ARHGAP15: variants seen among roughly 807,000 people sequenced by gnomAD.
ARHGAP15 encodes rho GTPase-activating protein 15.
Under a neutral mutation model 63.7 loss-of-function variants are expected in ARHGAP15, and 51 were observed. The observed-to-expected ratio is 0.80, with a 90% CI of 0.64 to 1.01. The LOEUF is 1.01. Among genes scored for constraint, ARHGAP15 ranks in the 50% least tolerant of loss-of-function variants. ARHGAP15 has a pLI of 0.00. For synonymous variants in ARHGAP15, 191 were observed against 193.8 expected (o/e 0.99, Z 0.12); for missense variants, 560 against 564.6 (o/e 0.99, Z 0.08).
chr2:143,698,704 A>G (rs1683956269), intron 12 of ARHGAP15, among the ~76,000 whole-genome samples: 1 of 152,148 alleles, frequency 6.6e-6, no homozygotes, highest in Non-Finnish European at 1.5e-5. Flanking sequence ...GTGGAGAACT[A>G]AAATGGAGGT....
At chr2:143,340,528 T>TC (rs1491094879) in intron 6 of ARHGAP15, among the ~76,000 whole-genome samples, 24 of 10,124 alleles carry the variant, frequency 2.4e-3, no homozygotes, top group African/African-American at 4.1e-3. Context: ...ATTTTTTCTC[T>TC]TTTTTTTTTT....
intron 10 of ARHGAP15, 126 bp downstream of exon 10, chr2:143,519,490 G>A (rs1409038365): frequency 1.8e-5 from 11 of 608,740 alleles, no homozygotes; most frequent in Admixed American, 9.5e-5. Context: ...TGTGTTAATC[G>A]GTTAAGAGGA....
chr2:143,521,526 G>A (rs1475907206), intron 10 of ARHGAP15, among the ~76,000 whole-genome samples: 1 of 152,082 alleles, frequency 6.6e-6, no homozygotes, highest in East Asian at 1.9e-4. Context: ...GCTGGGGTTG[G>A]TATTAGGAAG....
chr2:143,406,273 A>G (rs1294019161), intron 6 of ARHGAP15, among the ~76,000 whole-genome samples: 2 of 151,942 alleles, frequency 1.3e-5, no homozygotes, highest in Admixed American at 1.3e-4. Context: ...TTCTAGTTTT[A>G]AAGTCTTTTT....
chr2:143,460,108 T>C (rs911170747), intron 8 of ARHGAP15, among the ~76,000 whole-genome samples: 4 of 152,170 alleles, frequency 2.6e-5, no homozygotes, highest in Non-Finnish European at 4.4e-5. Context: ...CTTTGTTTTC[T>C]TCTCTAGTCT....
At chr2:143,592,286 G>T (rs553042593) in intron 11 of ARHGAP15, among the ~76,000 whole-genome samples, 1 of 152,296 alleles carries the variant, frequency 6.6e-6, no homozygotes, top group African/African-American at 2.4e-5. Flanking sequence ...AAAATCTCCA[G>T]TCAAACTCTG....
chr2:143,524,424 A>G (rs1694179676), intron 10 of ARHGAP15, among the ~76,000 whole-genome samples: 1 of 152,126 alleles, frequency 6.6e-6, no homozygotes, highest in Non-Finnish European at 1.5e-5. Flanking sequence ...TTTTTGTCCC[A>G]TTTTATGCTC....
chr2:143,447,601 G>A (rs1370579757), intron 8 of ARHGAP15, among the ~76,000 whole-genome samples: 1 of 152,182 alleles, frequency 6.6e-6, no homozygotes, highest in Non-Finnish European at 1.5e-5. Flanking sequence ...GACTGCAAGT[G>A]CCTGGAGGTA....
intron 3 of ARHGAP15, among the ~76,000 whole-genome samples, chr2:143,205,931 C>G (rs142733317): frequency 6.6e-5 from 10 of 152,174 alleles, no homozygotes; most frequent in Admixed American, 2.0e-4. Flanking sequence ...TCATCCCCCC[C>G]ACTGATCCTA....
chr2:143,384,633 GAA>G (rs1163357036), intron 6 of ARHGAP15, among the ~76,000 whole-genome samples: 3 of 151,830 alleles, frequency 2.0e-5, no homozygotes, highest in Middle Eastern at 6.9e-3. Context: ...AGTAAAATTT[GAA>G]AAGAGATTTG....
intron 6 of ARHGAP15, among the ~76,000 whole-genome samples, chr2:143,383,334 CACTT>C (rs1687136550): frequency 6.6e-6 from 1 of 152,082 alleles, no homozygotes; most frequent in Non-Finnish European, 1.5e-5. Context: ...TTTCTTGGCT[CACTT>C]ATATAAGGTT....
At chr2:143,377,619 C>G (rs1302091754) in intron 6 of ARHGAP15, among the ~76,000 whole-genome samples, 1 of 151,690 alleles carries the variant, frequency 6.6e-6, no homozygotes, top group Non-Finnish European at 1.5e-5. Context: ...TTTCGAAAGA[C>G]AATTTAATTT....
At chr2:143,490,149 G>A (rs1036229354) in intron 9 of ARHGAP15, among the ~76,000 whole-genome samples, 6 of 152,056 alleles carry the variant, frequency 3.9e-5, no homozygotes, top group Admixed American at 1.3e-4. Flanking sequence ...ACAGGTGCCC[G>A]CCACCACGCC....
chr2:143,645,905 G>A (rs1559100113), intron 12 of ARHGAP15, among the ~76,000 whole-genome samples: 1 of 152,012 alleles, frequency 6.6e-6, no homozygotes, highest in Non-Finnish European at 1.5e-5. Flanking sequence ...GTTCAAGATG[G>A]CATTATTCCC....
intron 2 of ARHGAP15, among the ~76,000 whole-genome samples, chr2:143,158,959 TA>T (rs927200208): frequency 1.3e-5 from 2 of 151,920 alleles, no homozygotes; most frequent in African/African-American, 2.4e-5. Context: ...GAATAGATAT[TA>T]ATGAGGAGTT....
chr2:143,391,637 C>T (rs1687542188), intron 6 of ARHGAP15, among the ~76,000 whole-genome samples: 1 of 152,142 alleles, frequency 6.6e-6, no homozygotes. Flanking sequence ...AGCAAAGTTG[C>T]ATGGCCCTGA....
intron 8 of ARHGAP15, among the ~76,000 whole-genome samples, chr2:143,482,718 T>C (rs905962001): frequency 6.6e-6 from 1 of 152,228 alleles, no homozygotes; most frequent in East Asian, 1.9e-4. Context: ...TCAAAGACTT[T>C]TACGGCTGTT....
rs1163339790 is a variant in ARHGAP15, at chr2:143,495,884, A to C, written c.826+8389A>C. On this transcript the variant is annotated intron_variant, in intron 9 of 13. Coordinates refer to ENST00000295095, the MANE Select transcript of ARHGAP15 (RefSeq NM_018460.4). ...TCAGTGTTAGTCTGAGAATAATTAT[A>C]CTTGAATTTATATACTAGGGCATGG... Among the ~76,000 whole-genome samples the C allele has an allele frequency of 2.0e-5, 3 of 152,232 alleles. No individual in the cohort carries two copies. In the East Asian group the frequency reaches 5.8e-4, roughly 29 times the overall value.
intron 6 of ARHGAP15, among the ~76,000 whole-genome samples, chr2:143,416,828 C>A (rs1328800786): frequency 1.8e-5 from 1 of 55,012 alleles, no homozygotes; most frequent in African/African-American, 6.3e-5. Context: ...ACCACCCCCC[C>A]ACCCCCACGC....
Sources: allele counts gnomAD v4.1 joint callset (sites outside exome capture counted in the v4.1 genomes callset), GRCh38; gene constraint gnomAD v4.1.1; transcripts MANE v1.5; gene names NCBI Gene and HGNC (gene_info 2026-07-23, HGNC 2026-07-21).